ASIC2: variants seen among roughly 807,000 people sequenced by gnomAD.
ASIC2 encodes the protein acid-sensing ion channel 2.
In ASIC2, 25 loss-of-function variants were observed where a neutral mutation model predicts 57.3. That is an observed-to-expected ratio of 0.44 (90% confidence interval 0.32 to 0.61). ASIC2 has a LOEUF of 0.61. Among genes scored for constraint, ASIC2 ranks in the 20% least tolerant of loss-of-function variants. ASIC2 has a pLI of 0.06. For synonymous variants in ASIC2, 319 were observed against 307.5 expected, an observed-to-expected ratio of 1.04 and a Z score of -0.39; for missense variants, 641 against 738.1, an observed-to-expected ratio of 0.87 and a Z score of 1.52.
chr17:33,291,279 G>A (rs1905426182), intron 1 of ASIC2, 129 bp downstream of exon 1: 4 of 1,429,050 alleles, frequency 2.8e-6, no homozygotes, highest in South Asian at 3.0e-5. Flanking sequence ...AATGGGTTCT[G>A]CCTTGGCATC....
chr17:33,603,086 C>G (rs910921517), intron 1 of ASIC2, among the ~76,000 whole-genome samples: 1 of 152,246 alleles, frequency 6.6e-6, no homozygotes, highest in Non-Finnish European at 1.5e-5. Context: ...CCCCATCTTC[C>G]TCTGTGTGCC....
intron 1 of ASIC2, among the ~76,000 whole-genome samples, chr17:33,664,202 T>C (rs1907397881): frequency 6.6e-6 from 1 of 152,200 alleles, no homozygotes; most frequent in African/African-American, 2.4e-5. Context: ...GCTTGCTTCC[T>C]GTATCTAGAC....
At chr17:33,939,434 G>T (rs760271496) in intron 1 of ASIC2, among the ~76,000 whole-genome samples, 4 of 152,208 alleles carry the variant, frequency 2.6e-5, no homozygotes. Flanking sequence ...GAGAGCTGAA[G>T]TTCAGAGAAG....
In ASIC2 at chr17:33,894,377, G is replaced by A. The variant is rs892192910; in HGVS notation, c.555+261601C>T. Among the ~76,000 whole-genome samples, 156 of 149,828 alleles carry A rather than the reference G, an allele frequency of 1.0e-3. 2 individuals carry two copies. The highest frequency in any genetic ancestry group is 3.7e-3 in the African/African-American group (147 of 39,990). ...TGTGTGTGTGTGTGTGTGTGTGTGT[G>A]TGTGTGTTCATGTGCTCTCTGGGCC... On this transcript the variant is annotated intron_variant, in intron 1 of 9. Coordinates refer to the ASIC2 transcript ENST00000359872.
chr17:33,387,528 C>T (rs1909729661), intron 1 of ASIC2, among the ~76,000 whole-genome samples: 1 of 152,232 alleles, frequency 6.6e-6, no homozygotes, highest in African/African-American at 2.4e-5. Flanking sequence ...CCCTCTCTCA[C>T]CTAGCCAGAT....
At chr17:33,945,635 T>G (rs565963674) in intron 1 of ASIC2, among the ~76,000 whole-genome samples, 21 of 152,300 alleles carry the variant, frequency 1.4e-4, no homozygotes, top group African/African-American at 5.1e-4. Context: ...AGGCTGCATA[T>G]GGCTTCTGTG....
At chr17:33,346,628 C>T (rs1463920609) in intron 1 of ASIC2, among the ~76,000 whole-genome samples, 4 of 152,038 alleles carry the variant, frequency 2.6e-5, no homozygotes, top group Non-Finnish European at 5.9e-5. Context: ...GTTAGGCATC[C>T]GTGCAAAGAT....
chr17:33,064,859 C>T (rs1446911493), intron 3 of ASIC2, among the ~76,000 whole-genome samples: 1 of 152,190 alleles, frequency 6.6e-6, no homozygotes, highest in Non-Finnish European at 1.5e-5. Flanking sequence ...TTTATTCTTT[C>T]TACTTTTCTG....
chr17:34,033,787 A>G (rs1907735422), intron 1 of ASIC2, among the ~76,000 whole-genome samples: 2 of 152,242 alleles, frequency 1.3e-5, no homozygotes, highest in Admixed American at 1.3e-4. Flanking sequence ...ATTTCTTGAC[A>G]CATACATCCT....
intron 1 of ASIC2, among the ~76,000 whole-genome samples, chr17:33,452,319 A>G (rs967192427): frequency 6.6e-6 from 1 of 152,224 alleles, no homozygotes; most frequent in African/African-American, 2.4e-5. Flanking sequence ...CAAGATGGGT[A>G]TGGTAATATC....
chr17:33,866,529 G>C (rs950760087), intron 1 of ASIC2, among the ~76,000 whole-genome samples: 2 of 152,060 alleles, frequency 1.3e-5, no homozygotes, highest in Admixed American at 6.6e-5. Flanking sequence ...GAATTCCTAG[G>C]AGTGAAATTC....
chr17:33,846,838 C>T (rs1597900472), intron 1 of ASIC2, among the ~76,000 whole-genome samples: 5 of 152,136 alleles, frequency 3.3e-5, no homozygotes, highest in African/African-American at 1.2e-4. Flanking sequence ...CTTTCTCCTG[C>T]CTCAGCCTCC....
At chr17:33,523,387 G>A (rs1374274122) in intron 1 of ASIC2, among the ~76,000 whole-genome samples, 1 of 152,160 alleles carries the variant, frequency 6.6e-6, no homozygotes. Context: ...CTCCCGAGTA[G>A]CTGGAATTAC....
At chr17:33,598,357 C>T (rs1905038452) in intron 1 of ASIC2, among the ~76,000 whole-genome samples, 1 of 152,222 alleles carries the variant, frequency 6.6e-6, no homozygotes, top group Middle Eastern at 3.2e-3. Flanking sequence ...GAGGCCTCCA[C>T]CAGCAGGGCT....
intron 1 of ASIC2, chr17:33,816,857 T>A (rs962788380): frequency 1.3e-5 from 2 of 152,254 alleles, no homozygotes; most frequent in Non-Finnish European, 2.9e-5. Context: ...AATCTTCATC[T>A]TCACTTGAAG....
At chr17:33,415,510 T>G (rs954604265) in intron 1 of ASIC2, among the ~76,000 whole-genome samples, 12 of 148,178 alleles carry the variant, frequency 8.1e-5, no homozygotes, top group African/African-American at 3.0e-4. Flanking sequence ...GTATTTTCAT[T>G]TGAGAGTCTT....
chr17:33,902,562 C>T lies in ASIC2; in HGVS notation c.555+253416G>A, dbSNP rs12942572. Among the ~76,000 whole-genome samples the T allele has an allele frequency of 5.8e-3, 878 of 152,288 alleles. 7 individuals carry two copies. The highest frequency in any genetic ancestry group is 0.02 in the African/African-American group (838 of 41,548). On this transcript the variant is annotated intron_variant, in intron 1 of 9. Coordinates refer to the ASIC2 transcript ENST00000359872. ...TTGTCCTTGTGGCTCTGCAGCCAGC[C>T]GGTATGGCTGGGCCCAGACATGAGC... is the stretch of plus-strand genomic sequence containing the variant.
At chr17:33,172,445 G>A (rs1905559242) in intron 1 of ASIC2, among the ~76,000 whole-genome samples, 1 of 152,180 alleles carries the variant, frequency 6.6e-6, no homozygotes, top group Admixed American at 6.5e-5. Flanking sequence ...GGTGGGAATG[G>A]CAGTGGTGTT....
chr17:33,758,290 G>A (rs778464639), intron 1 of ASIC2, among the ~76,000 whole-genome samples: 6 of 152,206 alleles, frequency 3.9e-5, no homozygotes, highest in Non-Finnish European at 7.4e-5. Flanking sequence ...GAGCCAGTGA[G>A]AAGCTTAATA....
Sources: gnomAD v4.1 joint callset for allele counts (sites outside exome capture counted in the v4.1 genomes callset) on GRCh38, gnomAD v4.1.1 for gene constraint, MANE v1.5 for transcripts, NCBI Gene and HGNC (gene_info 2026-07-23, HGNC 2026-07-21) for gene names.